The following TRPC4 variants were observed in gnomAD, a reference collection of about 807,000 sequenced individuals.
TRPC4 encodes the protein short transient receptor potential channel 4.
Under a neutral mutation model 99.4 loss-of-function variants are expected in TRPC4, and 49 were observed. The observed-to-expected ratio is 0.49, with a 90% confidence interval of 0.39 to 0.63. The LOEUF is 0.63. Among genes scored for constraint, TRPC4 ranks in the 20% least tolerant of loss-of-function variants. The pLI is 0.00. For missense variants in TRPC4, 898 were observed against 1,152.9 expected (o/e 0.78, Z 3.20); for synonymous variants, 454 against 425.9 (o/e 1.07, Z -0.81).
chr13:37,743,321 T>C (rs946399411), intron 3 of TRPC4, among the ~76,000 whole-genome samples: 3 of 152,192 alleles, frequency 2.0e-5, no homozygotes, highest in African/African-American at 7.2e-5. Context: ...TTAGCAAGAA[T>C]ACAAACATCT....
intron 7 of TRPC4, 43 bp from the exon 8 acceptor site, chr13:37,651,502 A>G (rs41292233): frequency 0.062 from 96,668 of 1,559,732 alleles, 3,435 homozygotes; most frequent in Middle Eastern, 0.11. Context: ...TTCCTTAATT[A>G]ACAAGGTACC....
Position 37,819,548 on chromosome 13 carries a change from T to C in TRPC4, c.-27-36188A>G, listed in dbSNP as rs1957956111. 2.0e-5 allele frequency among the ~76,000 whole-genome samples: 3 copies of C among 152,038 alleles called. No homozygotes were observed. The South Asian group carries it at 6.2e-4, about 31-fold the overall frequency. On this transcript the variant is annotated intron_variant, in intron 1 of 10. Coordinates refer to ENST00000379705, the MANE Select transcript of TRPC4 (RefSeq NM_016179.4). ...ACATGGATGGGGCTGGAGGCCATTA[T>C]CTTTAGCAAACTAACGCAGGAACAG... is the stretch of plus-strand genomic sequence containing the variant.
intron 1 of TRPC4, among the ~76,000 whole-genome samples, chr13:37,858,623 A>T (rs1050643685): frequency 2.6e-5 from 4 of 151,684 alleles, no homozygotes; most frequent in Non-Finnish European, 5.9e-5. Flanking sequence ...TGTTACTTAC[A>T]ACAACATGGA....
Position 37,713,355 on chromosome 13 carries a change from A to T in TRPC4, c.898-21020T>A, listed in dbSNP as rs575352594. Among the ~76,000 whole-genome samples, 3 of 152,350 alleles carry T rather than the reference A, an allele frequency of 2.0e-5. No homozygotes were observed. In the East Asian group the frequency reaches 5.8e-4, roughly 29 times the overall value. ...TTTATCTAGATAATAAAAGGCATTA[A>T]ACAAGTAATCCTGGTTTAATCAACC... On this transcript the variant is annotated intron_variant, in intron 3 of 10. Coordinates refer to ENST00000379705, the MANE Select transcript of TRPC4 (RefSeq NM_016179.4).
intron 2 of TRPC4, among the ~76,000 whole-genome samples, chr13:37,779,567 T>G (rs1956786644): frequency 6.6e-6 from 1 of 151,976 alleles, no homozygotes; most frequent in African/African-American, 2.4e-5. Flanking sequence ...AGAAAATCAT[T>G]TAATATACTA....
rs551134707 is a variant in TRPC4, at chr13:37,634,560, G to A, written c.*2343C>T. Among the ~76,000 whole-genome samples the A allele has an allele frequency of 1.6e-4, 25 of 152,086 alleles. No individual in the cohort carries two copies. Among genetic ancestry groups the A allele is most frequent in the African/African-American group, 6.0e-4 (25 of 41,498 alleles). On this transcript the variant is annotated 3_prime_UTR_variant, in exon 11 of 11. Coordinates refer to ENST00000379705, the MANE Select transcript of TRPC4 (RefSeq NM_016179.4). ...GCACCTTAACCCCTGATATAAATAA[G>A]CTACTGGGGGAAAAAAGGTTTTGTT...
chr13:37,651,776 T>C (rs576267132), intron 7 of TRPC4, among the ~76,000 whole-genome samples: 6 of 152,214 alleles, frequency 3.9e-5, no homozygotes, highest in African/African-American at 1.2e-4. Context: ...CACTGTAGAC[T>C]CATGTTAGTG....
intron 1 of TRPC4, among the ~76,000 whole-genome samples, chr13:37,797,779 CTT>C (rs531498102): frequency 9.2e-5 from 14 of 152,264 alleles, no homozygotes; most frequent in African/African-American, 3.1e-4. Context: ...ACCGTAGCAA[CTT>C]AAAAGACTAG....
At chr13:37,746,597 CT>C in intron 2 of TRPC4, 142 bp from the exon 3 acceptor site, 1 of 849,290 alleles carries the variant, frequency 1.2e-6, no homozygotes, top group Non-Finnish European at 1.6e-6. Flanking sequence ...GAGATATGGT[CT>C]TTTCCCCTAC....
intron 4 of TRPC4, among the ~76,000 whole-genome samples, chr13:37,691,247 G>A (rs1001666576): frequency 4.6e-5 from 7 of 151,946 alleles, no homozygotes; most frequent in Non-Finnish European, 5.9e-5. Context: ...GACTACAGGC[G>A]CCCGCCACCA....
chr13:37,779,920 A>T (rs1956794954), intron 2 of TRPC4, among the ~76,000 whole-genome samples: 1 of 151,996 alleles, frequency 6.6e-6, no homozygotes, highest in Non-Finnish European at 1.5e-5. Context: ...GTGTTTGCCA[A>T]ATCCAGATGA....
At chr13:37,840,201 G>T (rs1958694741) in intron 1 of TRPC4, among the ~76,000 whole-genome samples, 2 of 152,026 alleles carry the variant, frequency 1.3e-5, no homozygotes, top group Non-Finnish European at 2.9e-5. Context: ...CTCTTGTTAG[G>T]TATCTGGCAC....
At chr13:37,662,405 G>A (rs1205672147) in intron 6 of TRPC4, among the ~76,000 whole-genome samples, 1 of 152,078 alleles carries the variant, frequency 6.6e-6, no homozygotes, top group Non-Finnish European at 1.5e-5. Flanking sequence ...TAAAAATTAT[G>A]TGCAAATAAA....
At position 37,644,671 on chromosome 13, in the gene TRPC4, C is replaced by T. The variant is rs978396841; in HGVS notation, c.2080-5372G>A. On this transcript the variant is annotated intron_variant, in intron 8 of 10. Coordinates refer to ENST00000379705, the MANE Select transcript of TRPC4 (RefSeq NM_016179.4). ...GGATCACGAGGTCAGGAGCTCAAGA[C>T]CATCCTGGCTAACACGGTGAAACTC... Among the ~76,000 whole-genome samples, 52 of 151,844 alleles carry T rather than the reference C, an allele frequency of 3.4e-4. 4 individuals carry two copies.
intron 3 of TRPC4, among the ~76,000 whole-genome samples, chr13:37,697,978 C>T (rs1245581311): frequency 1.3e-5 from 2 of 151,444 alleles, no homozygotes; most frequent in African/African-American, 4.9e-5. Flanking sequence ...TGTGTGTGAG[C>T]GTGCATGAGT....
intron 1 of TRPC4, among the ~76,000 whole-genome samples, chr13:37,829,350 C>T (rs1231812858): frequency 1.3e-5 from 2 of 152,184 alleles, no homozygotes; most frequent in Non-Finnish European, 2.9e-5. Flanking sequence ...CTATTAAGCA[C>T]ATGCAAACAT....
intron 1 of TRPC4, among the ~76,000 whole-genome samples, chr13:37,785,046 T>C (rs1236014918): frequency 6.6e-6 from 1 of 152,164 alleles, no homozygotes; most frequent in East Asian, 1.9e-4. Flanking sequence ...GGGCTGATTA[T>C]AACTTTAGTA....
At chr13:37,794,223 A>T (rs2139401504) in intron 1 of TRPC4, among the ~76,000 whole-genome samples, 1 of 152,216 alleles carries the variant, frequency 6.6e-6, no homozygotes, top group South Asian at 2.1e-4. Context: ...TTGTTGTTTA[A>T]TAATGAGAAC....
intron 3 of TRPC4, among the ~76,000 whole-genome samples, chr13:37,726,768 G>A (rs572684241): frequency 7.9e-5 from 12 of 151,964 alleles, no homozygotes; most frequent in Non-Finnish European, 1.2e-4. Context: ...AAAAGGCAAT[G>A]ACATGAAAAT....
Sources: allele counts gnomAD v4.1 joint callset (sites outside exome capture counted in the v4.1 genomes callset), GRCh38; gene constraint gnomAD v4.1.1; transcripts MANE v1.5; gene names NCBI Gene and HGNC (gene_info 2026-07-23, HGNC 2026-07-21).